RPS6KB1: variants seen among roughly 807,000 people sequenced by gnomAD.
The protein encoded by RPS6KB1 is ribosomal protein S6 kinase beta-1.
Under a neutral mutation model 70.2 loss-of-function variants are expected in RPS6KB1, and 12 were observed. That is an observed-to-expected ratio of 0.17 (90% CI 0.11 to 0.28). The LOEUF (loss-of-function observed/expected upper bound fraction) is 0.28, where lower values mean the gene tolerates loss of function less well. RPS6KB1 is among the 10% of genes least tolerant of loss of function. RPS6KB1 has a pLI of 1.00. For synonymous variants in RPS6KB1, 175 were observed against 211.2 expected (o/e 0.83, Z 1.49); for missense variants, 270 against 646.6 (o/e 0.42, Z 6.32).
chr17:59,924,686 G>A (rs1288028993), intron 4 of RPS6KB1, among the ~76,000 whole-genome samples: 1 of 151,732 alleles, frequency 6.6e-6, no homozygotes, highest in Non-Finnish European at 1.5e-5. Context: ...GCAGGCATAA[G>A]CAGATACATA....
At chr17:59,923,871 C>G (rs2043428385) in intron 4 of RPS6KB1, among the ~76,000 whole-genome samples, 3 of 152,056 alleles carry the variant, frequency 2.0e-5, no homozygotes, top group Admixed American at 2.0e-4. Flanking sequence ...ACTCTGGTAA[C>G]AACATAAACG....
In RPS6KB1 at chr17:59,944,089, C is replaced by T. The variant is rs371281359; in HGVS notation, c.1228-1317C>T. On this transcript the variant is annotated intron_variant, in intron 13 of 14. Coordinates refer to ENST00000225577, the MANE Select transcript of RPS6KB1 (RefSeq NM_003161.4). ...CACAGCCTGTACCTCTTGGTAGTTA[C>T]AGCTTTAGTCCACCAGAACGTTTGT... is the stretch of plus-strand genomic sequence containing the variant. 2.6e-5 allele frequency among the ~76,000 whole-genome samples: 4 copies of T among 152,104 alleles called. No individual in the cohort carries two copies. In the East Asian group the frequency reaches 5.8e-4, roughly 22 times the overall value.
At chr17:59,944,158 T>C (rs1378538892) in intron 13 of RPS6KB1, among the ~76,000 whole-genome samples, 2 of 152,146 alleles carry the variant, frequency 1.3e-5, no homozygotes, top group African/African-American at 2.4e-5. Flanking sequence ...ACAAATCATA[T>C]GCACTTCAGA....
At chr17:59,913,312 C>A (rs867801468) in intron 3 of RPS6KB1, among the ~76,000 whole-genome samples, 1 of 152,178 alleles carries the variant, frequency 6.6e-6, no homozygotes, top group Non-Finnish European at 1.5e-5. Context: ...TTTATGAGTT[C>A]TGCCCACAAA....
At chr17:59,943,288 A>T (rs866057589) in intron 13 of RPS6KB1, among the ~76,000 whole-genome samples, 10 of 152,100 alleles carry the variant, frequency 6.6e-5, no homozygotes, top group South Asian at 4.1e-4. Context: ...TTTTTCTCTC[A>T]TGTACTACAG....
chr17:59,922,908 C>A (rs1487481233), intron 4 of RPS6KB1, among the ~76,000 whole-genome samples: 2 of 148,526 alleles, frequency 1.3e-5, no homozygotes, highest in Non-Finnish European at 3.0e-5. Context: ...ACTCTGGTGC[C>A]CAGGCTGGAG....
At chr17:59,929,085 T>C (rs1192015995) in intron 5 of RPS6KB1, among the ~76,000 whole-genome samples, 1 of 152,208 alleles carries the variant, frequency 6.6e-6, no homozygotes, top group Non-Finnish European at 1.5e-5. Context: ...AGGAGATACT[T>C]TGAGATTATT....
At chr17:59,938,170 CTT>C (rs72001861) in intron 12 of RPS6KB1, among the ~76,000 whole-genome samples, 3,549 of 71,354 alleles carry the variant, frequency 0.05, 183 homozygotes, top group African/African-American at 0.16. Flanking sequence ...TCTTTTCTTT[CTT>C]TTTTTTTTTT....
intron 4 of RPS6KB1, among the ~76,000 whole-genome samples, chr17:59,925,482 A>G (rs1285136838): frequency 1.3e-5 from 2 of 152,288 alleles, no homozygotes; most frequent in East Asian, 1.9e-4. Context: ...CAAATTATGT[A>G]TTAGCCTTTC....
At chr17:59,910,682 A>G (rs2042580634) in intron 2 of RPS6KB1, 71 bp downstream of exon 2, 1 of 956,022 alleles carries the variant, frequency 1.0e-6, no homozygotes, top group Non-Finnish European at 1.6e-6. Flanking sequence ...TCTATTTCGT[A>G]GCAATCATGT....
chr17:59,903,192 G>A (rs956832520), intron 1 of RPS6KB1, among the ~76,000 whole-genome samples: 5 of 151,928 alleles, frequency 3.3e-5, no homozygotes, highest in Non-Finnish European at 7.4e-5. Context: ...TGTAATCCCA[G>A]CTACTCAGGA....
chr17:59,947,425 T>G lies in RPS6KB1; in HGVS notation c.*637T>G. ...AGCCAGACAACTTCTGTTTCTTCTC[T>G]TGGTGAAATAATAAAATGCAAATGA... On this transcript the variant is annotated 3_prime_UTR_variant, in exon 15 of 15. Transcript: ENST00000225577. The G allele has an allele frequency of 7.8e-7, 1 of 1,283,368 alleles. No homozygotes were observed. The highest frequency in any genetic ancestry group is 9.9e-7 in the Non-Finnish European group (1 of 1,007,882). The allele number at this position is 1,283,368 out of a possible 1,614,324, so 79.5% of individuals were successfully genotyped here.
chr17:59,939,135 A>G (rs2044429787), intron 12 of RPS6KB1, among the ~76,000 whole-genome samples: 1 of 152,142 alleles, frequency 6.6e-6, no homozygotes, highest in South Asian at 2.1e-4. Flanking sequence ...AGTTTTCAAA[A>G]TAATGAATTA....
At chr17:59,936,399 G>A (rs184350058) in intron 11 of RPS6KB1, 65 bp from the exon 12 acceptor site, 1 of 1,544,308 alleles carries the variant, frequency 6.5e-7, no homozygotes, top group Non-Finnish European at 8.9e-7. Context: ...TCAAAAAGGT[G>A]ATTAATTTAT....
In RPS6KB1 at chr17:59,949,194, A is replaced by C. The variant is rs1205940734; in HGVS notation, c.*2406A>C. The C allele has an allele frequency of 6.6e-6, 1 of 152,626 alleles. No individual in the cohort carries two copies. Among genetic ancestry groups the C allele is most frequent in the African/African-American group, 2.4e-5 (1 of 41,468 alleles). 9.5% of individuals were successfully genotyped at this position (152,626 alleles called of 1,614,324 possible). A position where few individuals can be genotyped will look rare whatever the true frequency, so the allele number is the denominator to read the frequency against. ...TGAAATTTATTTCCCATGCTGTGGA[A>C]AGTTTATTGAGAACTTGTTTCATAA... is the stretch of plus-strand genomic sequence containing the variant. On this transcript the variant is annotated 3_prime_UTR_variant, in exon 15 of 15. Transcript: ENST00000225577.
At chr17:59,914,083 G>A (rs540962904) in intron 3 of RPS6KB1, among the ~76,000 whole-genome samples, 2 of 152,184 alleles carry the variant, frequency 1.3e-5, no homozygotes, top group South Asian at 2.1e-4. Context: ...TTGAATCCAC[G>A]GCTGCTGAAC....
At chr17:59,899,802 A>G (rs1315231314) in intron 1 of RPS6KB1, among the ~76,000 whole-genome samples, 1 of 152,106 alleles carries the variant, frequency 6.6e-6, no homozygotes, top group African/African-American at 2.4e-5. Flanking sequence ...TGATTTGGTC[A>G]CACCATGAGT....
At chr17:59,924,695 T>A (rs2144906284) in intron 4 of RPS6KB1, among the ~76,000 whole-genome samples, 1 of 152,090 alleles carries the variant, frequency 6.6e-6, no homozygotes, top group Non-Finnish European at 1.5e-5. Context: ...AGCAGATACA[T>A]ATTATATATA....
intron 1 of RPS6KB1, 61 bp from the exon 2 acceptor site, chr17:59,910,501 A>G: frequency 9.3e-7 from 1 of 1,074,828 alleles, no homozygotes; most frequent in South Asian, 1.4e-5. Context: ...GAGACAAAGA[A>G]TTAAACCTTT....
Sources: allele counts gnomAD v4.1 joint callset (sites outside exome capture counted in the v4.1 genomes callset), GRCh38; gene constraint gnomAD v4.1.1; transcripts MANE v1.5; gene names NCBI Gene and HGNC (gene_info 2026-07-23, HGNC 2026-07-21).